MTPAP: variants seen among roughly 807,000 people sequenced by gnomAD.
MTPAP encodes poly(A) RNA polymerase, mitochondrial.
MTPAP carries 23 observed loss-of-function variants against 48.7 expected under a neutral mutation model. The observed-to-expected ratio is 0.47, with a 90% confidence interval of 0.34 to 0.67. The LOEUF is 0.67. MTPAP is among the 30% of genes least tolerant of loss of function. The pLI, the probability that MTPAP is intolerant of heterozygous loss-of-function variation, is 0.01. For missense variants in MTPAP, 614 were observed against 694.3 expected (o/e 0.88, Z 1.30); for synonymous variants, 257 against 254.1 (o/e 1.01, Z -0.11).
In MTPAP at chr10:30,312,569, C is replaced by CAAAAAAAAAAAAAAAAA. The variant is rs61386643; in HGVS notation, c.*1023_*1039dup. On this transcript the variant is annotated 3_prime_UTR_variant, in exon 9 of 9. Transcript: ENST00000263063. The stretch of plus-strand genomic sequence containing the variant: ...TGGGCGACAGAGCGAGACTCTGTCT[C>CAAAAAAAAAAAAAAAAA]AAAAAAAAAAAAAAAAAAAAAAGAA... 1.2e-5 allele frequency: 1 copy of CAAAAAAAAAAAAAAAAA among 85,668 alleles called. No individual in the cohort carries two copies. The highest frequency in any genetic ancestry group is 2.4e-5 in the Non-Finnish European group (1 of 40,892). 5.3% of individuals were successfully genotyped at this position (85,668 alleles called of 1,614,324 possible). A position where few individuals can be genotyped will look rare whatever the true frequency, so the allele number is the denominator to read the frequency against.
At chr10:30,344,988 G>C (rs1028476603) in intron 1 of MTPAP, among the ~76,000 whole-genome samples, 2 of 152,232 alleles carry the variant, frequency 1.3e-5, no homozygotes, top group Non-Finnish European at 2.9e-5. Context: ...ACAAGCGTGA[G>C]CCATGGCGCC....
Position 30,348,891 on chromosome 10 carries a change from T to A in MTPAP, c.157+228A>T, listed in dbSNP as rs942284125. 10 of 607,870 alleles carry A rather than the reference T, an allele frequency of 1.6e-5. No homozygotes were observed. In the Admixed American group the frequency reaches 2.7e-4, roughly 16 times the overall value. 37.7% of individuals were successfully genotyped at this position (607,870 alleles called of 1,614,324 possible). ...ATGGAAGTCTAAACAACTCCATTACTGTACACAGGAGTCGCCCCAAACAAA... is the reference window on the plus strand; with the variant it reads ...ATGGAAGTCTAAACAACTCCATTACAGTACACAGGAGTCGCCCCAAACAAA... On this transcript the variant is annotated intron_variant, in intron 1 of 8. Coordinates refer to ENST00000263063, the MANE Select transcript of MTPAP (RefSeq NM_018109.4).
intron 1 of MTPAP, among the ~76,000 whole-genome samples, chr10:30,347,430 T>C (rs1331179980): frequency 2.0e-5 from 3 of 152,232 alleles, no homozygotes; most frequent in African/African-American, 7.2e-5. Flanking sequence ...TGTACTTAAC[T>C]GTCCTTCTTT....
At chr10:30,327,657 C>T (rs1834614640) in intron 4 of MTPAP, among the ~76,000 whole-genome samples, 1 of 151,840 alleles carries the variant, frequency 6.6e-6, no homozygotes, top group Admixed American at 6.6e-5. Flanking sequence ...ACCAGCCTGG[C>T]CAACATGGTG....
At chr10:30,327,352 A>G (rs1169107049) in intron 4 of MTPAP, among the ~76,000 whole-genome samples, 1 of 142,564 alleles carries the variant, frequency 7.0e-6, no homozygotes, top group Non-Finnish European at 1.5e-5. Context: ...AAAAAAAATT[A>G]GCCAAGTGTG....
At chr10:30,325,314 G>A (rs1834571849) in intron 5 of MTPAP, among the ~76,000 whole-genome samples, 1 of 152,196 alleles carries the variant, frequency 6.6e-6, no homozygotes, top group Non-Finnish European at 1.5e-5. Flanking sequence ...TGTGGGTGAA[G>A]ATTCGAGTTT....
intron 6 of MTPAP, among the ~76,000 whole-genome samples, chr10:30,321,136 G>A (rs571093115): frequency 6.6e-6 from 1 of 152,340 alleles, no homozygotes; most frequent in African/African-American, 2.4e-5. Context: ...AATGAGCACA[G>A]ATATTGATGC....
chr10:30,329,970 T>TA (rs35031966), intron 4 of MTPAP, among the ~76,000 whole-genome samples: 37,773 of 148,394 alleles, frequency 0.25, 4,755 homozygotes, highest in East Asian at 0.28. Flanking sequence ...TTTTTTCTTT[T>TA]AAAAAAAAAA....
intron 5 of MTPAP, 49 bp downstream of exon 5, chr10:30,326,375 A>AAT (rs1564520351): frequency 6.7e-7 from 1 of 1,492,880 alleles, no homozygotes; most frequent in East Asian, 2.3e-5. Flanking sequence ...ACACTAAGCT[A>AAT]ATATATCAGA....
chr10:30,343,968 T>G (rs1031090416), intron 1 of MTPAP, among the ~76,000 whole-genome samples: 1 of 152,222 alleles, frequency 6.6e-6, no homozygotes, highest in Non-Finnish European at 1.5e-5. Context: ...ATAATCTGAC[T>G]CCTAAACTAG....
In MTPAP at chr10:30,341,706, A is replaced by C; in HGVS notation, c.158-66T>G. 1.9e-6 allele frequency: 3 copies of C among 1,562,228 alleles called. No homozygotes were observed. The South Asian group carries it at 3.3e-5, about 17-fold the overall frequency. Reference sequence around the variant, plus strand: ...ACAAAATTTTAAAAATATTTTGATAAGGTGTTTAAAGACTTCATATATGAC... The same window carrying C: ...ACAAAATTTTAAAAATATTTTGATACGGTGTTTAAAGACTTCATATATGAC... On this transcript the variant is annotated intron_variant, in intron 1 of 8. Transcript: ENST00000263063.
intron 8 of MTPAP, 131 bp downstream of exon 8, chr10:30,315,832 C>A: frequency 1.9e-6 from 2 of 1,047,676 alleles, no homozygotes; most frequent in Non-Finnish European, 2.7e-6. Flanking sequence ...GGACATCAAC[C>A]TCCTTGTTAC....
Position 30,322,631 on chromosome 10 carries a change from A to G in MTPAP, c.993-14T>C. 6.4e-7 allele frequency: 1 copy of G among 1,570,970 alleles called. No homozygotes were observed. Among genetic ancestry groups the G allele is most frequent in the Non-Finnish European group, 8.7e-7 (1 of 1,147,638 alleles). On this transcript the variant is annotated splice_polypyrimidine_tract_variant and intron_variant, in intron 5 of 8. Transcript: ENST00000263063. ...GTCAAGGCAATCCTTCAAAAAATAA[A>G]AATAAGAAAAATGTTCAAATCCCCA...
At chr10:30,322,024 G>C (rs753266587) in intron 6 of MTPAP, among the ~76,000 whole-genome samples, 1 of 152,134 alleles carries the variant, frequency 6.6e-6, no homozygotes, top group Non-Finnish European at 1.5e-5. Flanking sequence ...TCTAATACAA[G>C]TCTAAACATA....
In MTPAP at chr10:30,346,588, T is replaced by G. The variant is rs112539326; in HGVS notation, c.157+2531A>C. ...TTAAGATAGACAGGGTAGGTATCACTGCAGGTGAAAAAAACTGCCCAAAGT... is the reference window on the plus strand; with the variant it reads ...TTAAGATAGACAGGGTAGGTATCACGGCAGGTGAAAAAAACTGCCCAAAGT... On this transcript the variant is annotated intron_variant, in intron 1 of 8. Coordinates refer to ENST00000263063, the MANE Select transcript of MTPAP (RefSeq NM_018109.4). Among the ~76,000 whole-genome samples the G allele has an allele frequency of 2.8e-3, 427 of 152,316 alleles. 2 individuals carry two copies. Among genetic ancestry groups the G allele is most frequent in the Non-Finnish European group, 4.3e-3 (295 of 68,032 alleles).
chr10:30,330,236 T>A (rs1199373216), intron 4 of MTPAP, among the ~76,000 whole-genome samples: 2 of 152,242 alleles, frequency 1.3e-5, no homozygotes, highest in African/African-American at 4.8e-5. Flanking sequence ...AAAATTAAAA[T>A]TTCAAGATTC....
Position 30,322,484 on chromosome 10 carries a change from T to C in MTPAP, c.1126A>G (p.Thr376Ala). ...ACCATCATTGTAAGGGAGAAATTTGTAATCCATGCACCAGGAATACTACTT... is the reference window on the plus strand; with the variant it reads ...ACCATCATTGTAAGGGAGAAATTTGCAATCCATGCACCAGGAATACTACTT... ...LTSSIPGAWITNFSLTMMVIF... is the reference protein window; with the variant it reads ...LTSSIPGAWIANFSLTMMVIF... The change falls in exon 6 of 9, where the codon ACA (threonine) becomes GCA (alanine). Residue 376 changes from threonine to alanine, a missense_variant. Coordinates refer to ENST00000263063, the MANE Select transcript of MTPAP (RefSeq NM_018109.4). 1.2e-6 allele frequency: 2 copies of C among 1,613,878 alleles called. No homozygotes were observed. Among genetic ancestry groups the C allele is most frequent in the Non-Finnish European group, 1.7e-6 (2 of 1,179,806 alleles).
Position 30,313,611 on chromosome 10 carries a change from A to T in MTPAP, c.1747T>A (p.Ter583ArgextTer11), listed in dbSNP as rs755247667. 1 of 1,614,214 alleles carries T rather than the reference A, an allele frequency of 6.2e-7. No homozygotes were observed. The highest frequency in any genetic ancestry group is 8.5e-7 in the Non-Finnish European group (1 of 1,180,020). ...TTCTTTACACAATGTAGCAGCCATC[A>T]TGTCTGAGTACTAATTGTTCTCTTC... Reference protein sequence around the residue: ...SGKRTISTQT* With the variant: ...SGKRTISTQTR The change falls in exon 9 of 9, where the codon TGA (stop) becomes AGA (arginine). Residue 583 changes from the stop codon to arginine (R), a stop_lost. Transcript: ENST00000263063.
rs1042731760 is a variant in MTPAP, at chr10:30,312,107, C to G, written c.*1502G>C. On this transcript the variant is annotated 3_prime_UTR_variant, in exon 9 of 9. Transcript: ENST00000263063. ...CTGAGATTGTGCCATTGCACCCCAG[C>G]CTGGGCAACAAGAGCAAAACTCCGT... The G allele has an allele frequency of 1.3e-5, 2 of 152,186 alleles. No homozygotes were observed. The highest frequency in any genetic ancestry group is 4.8e-5 in the African/African-American group (2 of 41,424). 9.4% of individuals were successfully genotyped at this position (152,186 alleles called of 1,614,324 possible).
Sources: gnomAD v4.1 joint callset for allele counts (sites outside exome capture counted in the v4.1 genomes callset) on GRCh38, gnomAD v4.1.1 for gene constraint, MANE v1.5 for transcripts, NCBI Gene and HGNC (gene_info 2026-07-23, HGNC 2026-07-21) for gene names.